Variants in CCDC183 observed in about 807,000 individuals in gnomAD.
CCDC183 encodes coiled-coil domain containing 183.
Under a neutral mutation model 65.2 loss-of-function variants are expected in CCDC183, and 63 were observed. The ratio of observed to expected loss-of-function variants is 0.97; its 90% CI spans 0.79 to 1.19. The LOEUF (loss-of-function observed/expected upper bound fraction) is 1.19, where lower values mean the gene tolerates loss of function less well. Among genes scored for constraint, CCDC183 ranks in the 50% most tolerant of loss-of-function variants. The pLI is 0.00. For synonymous variants in CCDC183, 323 were observed against 276.5 expected (o/e 1.17, Z -1.67); for missense variants, 769 against 689.3 (o/e 1.12, Z -1.30).
intron 10 of CCDC183, 64 bp from the exon 11 acceptor site, chr9:136,806,439 TG>T: frequency 6.3e-7 from 1 of 1,596,854 alleles, no homozygotes; most frequent in African/African-American, 1.3e-5. Flanking sequence ...ACTGGGCTCC[TG>T]GGTGGCCCAC....
chr9:136,801,152 G>C (rs1847731455), intron 5 of CCDC183, among the ~76,000 whole-genome samples: 1 of 152,202 alleles, frequency 6.6e-6, no homozygotes, highest in Non-Finnish European at 1.5e-5. Context: ...TGGAAGTGCA[G>C]TTTAGGAGGA....
At chr9:136,801,385 C>T (rs975219461) in intron 5 of CCDC183, among the ~76,000 whole-genome samples, 8 of 150,048 alleles carry the variant, frequency 5.3e-5, no homozygotes, top group Non-Finnish European at 7.4e-5. Flanking sequence ...GCGCCTTCTT[C>T]TGTTTAGAAC....
At chr9:136,799,080 T>G (rs750794342) in intron 1 of CCDC183, 22 bp from the exon 2 acceptor site, 1 of 1,612,242 alleles carries the variant, frequency 6.2e-7, no homozygotes, top group Non-Finnish European at 8.5e-7. Context: ...CTAGCCACTG[T>G]GTCCCCTCCA....
At chr9:136,802,627 C>T (rs751978758) in intron 5 of CCDC183, 37 bp from the exon 6 acceptor site, 8 of 1,578,934 alleles carry the variant, frequency 5.1e-6, no homozygotes, top group Non-Finnish European at 6.9e-6. Flanking sequence ...CTGCAGCCCA[C>T]TCTGTAGGGG....
At position 136,796,465 on chromosome 9, in the gene CCDC183, A is replaced by G; in HGVS notation, c.68A>G (p.Gln23Arg). 3 of 1,560,902 alleles carry G rather than the reference A, an allele frequency of 1.9e-6. No individual in the cohort carries two copies. Among genetic ancestry groups the G allele is most frequent in the Non-Finnish European group, 2.6e-6 (3 of 1,150,686 alleles). ...TQELKTITQL[Q>R]EQCRALQIQG... ...GAGCTGAAGACCATCACTCAGCTCCAGGGTGAGCCTGCACCGCCGTGACCA... is the reference window on the plus strand; with the variant it reads ...GAGCTGAAGACCATCACTCAGCTCCGGGGTGAGCCTGCACCGCCGTGACCA... Residue 23 changes from glutamine to arginine, a missense_variant and splice_region_variant, in exon 1 of 14, where the codon CAG becomes CGG. Physicochemically the swap from Gln to Arg is conservative, Grantham distance 43. Coordinates refer to ENST00000338005, the MANE Select transcript of CCDC183 (RefSeq NM_001039374.5).
intron 10 of CCDC183, 91 bp from the exon 11 acceptor site, chr9:136,806,413 C>T (rs200983919): frequency 2.3e-4 from 352 of 1,536,900 alleles, no homozygotes; most frequent in Non-Finnish European, 3.0e-4. Context: ...GATTCTGGCA[C>T]AGCACCCAAC....
Position 136,806,528 on chromosome 9 carries a change from G to A in CCDC183, c.1134G>A (p.Met378Ile). 1.2e-6 allele frequency: 2 copies of A among 1,613,512 alleles called. No homozygotes were observed. Among genetic ancestry groups the A allele is most frequent in the East Asian group, 2.2e-5 (1 of 44,886 alleles). ...SISFKSVEKK[M>I]TDMLKEEEER... ...GCTTCAAGTCCGTTGAGAAGAAAAT[G>A]ACAGACATGCTAAAAGAGGAAGAAG... The change falls in exon 11 of 14, where the codon ATG becomes ATA. Residue 378 changes from methionine (M) to isoleucine (I), a missense_variant. Physicochemically the swap from Met to Ile is conservative, Grantham distance 10 (BLOSUM62 1). Transcript: ENST00000338005.
rs1008274013 is a variant in CCDC183, at chr9:136,807,717, T to C, written c.*27T>C. On this transcript the variant is annotated 3_prime_UTR_variant, in exon 14 of 14. Transcript: ENST00000338005. ...CCCGCCGCCCCGCTCCCTGCTTTGC[T>C]ACACAAATAAACATTTTTCCAGGAC... 9 of 1,579,840 alleles carry C rather than the reference T, an allele frequency of 5.7e-6. No individual in the cohort carries two copies. The highest frequency in any genetic ancestry group is 3.6e-5 in the Admixed American group (2 of 55,182).
At chr9:136,805,296 C>A in intron 8 of CCDC183, 61 bp from the exon 9 acceptor site, 1 of 1,408,658 alleles carries the variant, frequency 7.1e-7, no homozygotes, top group Non-Finnish European at 9.9e-7. Context: ...GTCTGACAGC[C>A]TTACACAGAG....
Position 136,806,220 on chromosome 9 carries a change from A to AG in CCDC183, c.1092dup (p.Lys365GlufsTer3). ...GAGGAGGCCGTGCTCAAGTTCCGCC[A>AG]GAAGCCTAGCTCCATCAGGTGCCCC... On this transcript the variant is annotated frameshift_variant, in exon 10 of 14. Transcript: ENST00000338005. LOFTEE classifies it high-confidence loss of function. The AG allele has an allele frequency of 6.3e-7, 1 of 1,591,824 alleles. No individual in the cohort carries two copies. Among genetic ancestry groups the AG allele is most frequent in the Non-Finnish European group, 8.6e-7 (1 of 1,169,230 alleles).
chr9:136,799,093 T>A lies in CCDC183; in HGVS notation c.71-9T>A. 1 of 1,612,854 alleles carries A rather than the reference T, an allele frequency of 6.2e-7. No homozygotes were observed. Among genetic ancestry groups the A allele is most frequent in the Non-Finnish European group, 8.5e-7 (1 of 1,179,618 alleles). On this transcript the variant is annotated splice_polypyrimidine_tract_variant and intron_variant, in intron 1 of 13. Coordinates refer to ENST00000338005, the MANE Select transcript of CCDC183 (RefSeq NM_001039374.5). ...TCCTAGCCACTGTGTCCCCTCCACC[T>A]GCCCACAGAGCAGTGTCGGGCACTC...
At position 136,804,956 on chromosome 9, in the gene CCDC183, TC is replaced by T; in HGVS notation, c.847+141del. 1 of 711,332 alleles carries T rather than the reference TC, an allele frequency of 1.4e-6. No homozygotes were observed. Among genetic ancestry groups the T allele is most frequent in the Non-Finnish European group, 2.4e-6 (1 of 425,322 alleles). 44.1% of individuals were successfully genotyped at this position (711,332 alleles called of 1,614,324 possible). A position where few individuals can be genotyped will look rare whatever the true frequency, so the allele number is the denominator to read the frequency against. ...GTGAAGGGAAGGACAGGTCCCTGCC[TC>T]TCCCTCCAGAGGCTGAGAGCCTGTA... On this transcript the variant is annotated intron_variant, in intron 8 of 13. Coordinates refer to ENST00000338005, the MANE Select transcript of CCDC183 (RefSeq NM_001039374.5). This position sits in a 1 kb window ranked among gnomAD's most constrained non-coding sequence, Gnocchi z 4.1.
Position 136,800,375 on chromosome 9 carries a change from T to C in CCDC183, c.439-14T>C, listed in dbSNP as rs990875100. On this transcript the variant is annotated splice_polypyrimidine_tract_variant and intron_variant, in intron 4 of 13. Coordinates refer to ENST00000338005, the MANE Select transcript of CCDC183 (RefSeq NM_001039374.5). ...GTCCCCACGCCCTCTCACTGCGCCC[T>C]CGGTCCGCCCCAGATCATCCGCCAG... The C allele has an allele frequency of 1.9e-6, 3 of 1,601,624 alleles. No homozygotes were observed. The highest frequency in any genetic ancestry group is 2.6e-6 in the Non-Finnish European group (3 of 1,173,362).
rs1456118527 is a variant in CCDC183, at chr9:136,800,371, G to T, written c.439-18G>T. ...GCCGGTCCCCACGCCCTCTCACTGC[G>T]CCCTCGGTCCGCCCCAGATCATCCG... On this transcript the variant is annotated intron_variant, in intron 4 of 13. Transcript: ENST00000338005. 6.3e-7 allele frequency: 1 copy of T among 1,597,076 alleles called. No homozygotes were observed. The highest frequency in any genetic ancestry group is 1.7e-5 in the Admixed American group (1 of 58,378).
intron 1 of CCDC183, among the ~76,000 whole-genome samples, chr9:136,797,660 G>A (rs954106749): frequency 7.2e-5 from 11 of 152,142 alleles, no homozygotes; most frequent in Non-Finnish European, 1.3e-4. Context: ...GGATGGTCTC[G>A]ATCACCTGAC....
chr9:136,805,996 C>A, intron 9 of CCDC183, 82 bp from the exon 10 acceptor site: 1 of 1,160,620 alleles, frequency 8.6e-7, no homozygotes, highest in Non-Finnish European at 1.2e-6. Flanking sequence ...CTAGGAGGGG[C>A]CCAGAAGAAA....
In CCDC183 at chr9:136,804,797, G is replaced by A. The variant is rs1847813514; in HGVS notation, c.828G>A (p.Met276Ile). The A allele has an allele frequency of 6.2e-7, 1 of 1,613,616 alleles. No individual in the cohort carries two copies. Among genetic ancestry groups the A allele is most frequent in the African/African-American group, 1.3e-5 (1 of 74,848 alleles). Residue 276 changes from methionine to isoleucine, a missense_variant, in exon 8 of 14, where the codon ATG (methionine) becomes ATA (isoleucine). Transcript: ENST00000338005. This position sits in a 1 kb window ranked among gnomAD's most constrained non-coding sequence, Gnocchi z 4.1. ...QMDLDFPSNL[M>I]STETLKLRRK... is the part of the protein sequence containing the mutation. Reference sequence around the variant, plus strand: ...ACTTGGACTTCCCCTCGAACCTGATGAGCACGGAGACCCTGAAATGTAAGC... The same window carrying A: ...ACTTGGACTTCCCCTCGAACCTGATAAGCACGGAGACCCTGAAATGTAAGC...
chr9:136,807,037 G>A lies in CCDC183; in HGVS notation c.1457G>A (p.Ser486Asn), dbSNP rs756841412. Reference sequence around the variant, plus strand: ...ATGGAGAAGTACAACACCAGGATCAGCTTTGAGAACCGGGAGGAGGATATG... The same window carrying A: ...ATGGAGAAGTACAACACCAGGATCAACTTTGAGAACCGGGAGGAGGATATG... ...TLMEKYNTRI[S>N]FENREEDMID... The change falls in exon 13 of 14, where the codon AGC becomes AAC. Residue 486 changes from serine (S) to asparagine (N), a missense_variant. By Grantham distance (46) the Ser-to-Asn change is conservative. Transcript: ENST00000338005. 27 of 1,613,426 alleles carry A rather than the reference G, an allele frequency of 1.7e-5. No individual in the cohort carries two copies. The highest frequency in any genetic ancestry group is 1.9e-5 in the Non-Finnish European group (23 of 1,180,024).
chr9:136,806,955 G>A lies in CCDC183; in HGVS notation c.1390-15G>A, dbSNP rs930362481. 1.2e-6 allele frequency: 2 copies of A among 1,613,494 alleles called. No homozygotes were observed. Among genetic ancestry groups the A allele is most frequent in the African/African-American group, 2.7e-5 (2 of 74,944 alleles). ...TCAGAGTGTCTGCACGGCTGAAGGG[G>A]GCTTTGCCCTGCAGGGCGACACAAA... On this transcript the variant is annotated splice_polypyrimidine_tract_variant and intron_variant, in intron 12 of 13. Coordinates refer to ENST00000338005, the MANE Select transcript of CCDC183 (RefSeq NM_001039374.5).
Sources: allele counts gnomAD v4.1 joint callset (sites outside exome capture counted in the v4.1 genomes callset), GRCh38; gene constraint gnomAD v4.1.1; non-coding constraint Gnocchi (gnomAD v3.1); transcripts MANE v1.5; gene names NCBI Gene and HGNC (gene_info 2026-07-23, HGNC 2026-07-21).